SANBR: variants seen among roughly 807,000 people sequenced by gnomAD.
SANBR encodes SANT and BTB domain regulator of CSR, also known as SANT and BTB domain regulator of class switch recombination.
A neutral mutation model predicts 101.8 loss-of-function variants in SANBR; 77 were observed. The observed-to-expected ratio is 0.76, with a 90% CI of 0.63 to 0.91. SANBR has a LOEUF of 0.91. Ranked by LOEUF, SANBR falls within the 40% of genes least tolerant of loss-of-function variation. The pLI is 0.00. For synonymous variants in SANBR, 279 were observed against 274.7 expected, an observed-to-expected ratio of 1.02 and a Z score of -0.15; for missense variants, 875 against 853.0, an observed-to-expected ratio of 1.03 and a Z score of -0.32.
chr2:61,106,114 T>C (rs557618955), intron 13 of SANBR, among the ~76,000 whole-genome samples: 1 of 152,052 alleles, frequency 6.6e-6, no homozygotes, highest in African/African-American at 2.4e-5. Flanking sequence ...CATCGTTGGC[T>C]GGGCGCGGTG....
At chr2:61,105,517 G>A (rs1383599335) in intron 13 of SANBR, among the ~76,000 whole-genome samples, 1 of 148,452 alleles carries the variant, frequency 6.7e-6, no homozygotes. Context: ...ACAGCCACCC[G>A]CCACCACACC....
intron 11 of SANBR, among the ~76,000 whole-genome samples, chr2:61,093,052 G>C (rs1682851602): frequency 6.6e-6 from 1 of 151,880 alleles, no homozygotes; most frequent in Non-Finnish European, 1.5e-5. Context: ...AGAATCACTT[G>C]AACCCGGGAG....
intron 10 of SANBR, among the ~76,000 whole-genome samples, chr2:61,091,235 G>A (rs531545993): frequency 1.3e-5 from 2 of 152,202 alleles, no homozygotes; most frequent in African/African-American, 4.8e-5. Flanking sequence ...CTTAAGGGCA[G>A]GAGTTTAAGA....
rs186650444 is a variant in SANBR at position 61,085,423 on chromosome 2, G to A, written c.890+2109G>A. On this transcript the variant is annotated intron_variant, in intron 8 of 21. Coordinates refer to ENST00000402291, the MANE Select transcript of SANBR (RefSeq NM_001129993.3). ...TTCCCCCACTGAATTGCACTAGTAC[G>A]TTTACTATATGTGAAGTCTGTTTCC... is the stretch of plus-strand genomic sequence containing the variant. Among the ~76,000 whole-genome samples, 192 of 151,874 alleles carry A rather than the reference G, an allele frequency of 1.3e-3. 7 individuals are homozygous for A. The highest frequency in any genetic ancestry group is 0.01 in the Admixed American group (155 of 15,252).
intron 6 of SANBR, among the ~76,000 whole-genome samples, chr2:61,079,437 AAATC>A (rs1681971108): frequency 1.3e-5 from 2 of 152,318 alleles, no homozygotes; most frequent in South Asian, 2.1e-4. Context: ...TATGGAAAAT[AAATC>A]TATGCTGACA....
chr2:61,132,070 T>C (rs1160738089), intron 20 of SANBR, among the ~76,000 whole-genome samples: 3 of 152,198 alleles, frequency 2.0e-5, no homozygotes, highest in Non-Finnish European at 2.9e-5. Context: ...GTAAAACTCT[T>C]ACAAGAAAGC....
At chr2:61,126,632 C>G (rs1011728003), downstream of SANBR, among the ~76,000 whole-genome samples, 1 of 152,062 alleles carries the variant, frequency 6.6e-6, no homozygotes, top group Non-Finnish European at 1.5e-5. Flanking sequence ...AAAACCCCAT[C>G]TCTGTTAAAA....
intron 11 of SANBR, among the ~76,000 whole-genome samples, chr2:61,095,914 A>G (rs1683009021): frequency 6.6e-6 from 1 of 152,072 alleles, no homozygotes; most frequent in Non-Finnish European, 1.5e-5. Flanking sequence ...GGTATTATCC[A>G]TTCAGGTCTT....
intron 17 of SANBR, among the ~76,000 whole-genome samples, chr2:61,116,427 T>A (rs1684083093): frequency 6.6e-6 from 1 of 152,214 alleles, no homozygotes; most frequent in Non-Finnish European, 1.5e-5. Context: ...GAGAGTCTTT[T>A]CATTATATGT....
At chr2:61,134,973 T>C (rs552157703) in intron 21 of SANBR, among the ~76,000 whole-genome samples, 1 of 151,728 alleles carries the variant, frequency 6.6e-6, no homozygotes, top group African/African-American at 2.4e-5. Context: ...GCAGATCACC[T>C]GAGGTCAGGA....
Position 61,109,267 on chromosome 2 carries a change from G to A in SANBR, c.1715G>A (p.Gly572Glu). The change falls in exon 16 of 22, where the codon GGA (glycine) becomes GAA (glutamate). Residue 572 changes from glycine (G) to glutamate (E), a missense_variant. Physicochemically the swap from Gly to Glu is moderately conservative, Grantham distance 98. Transcript: ENST00000402291. ...TGSEVTEDEV[G>E]DEEEVSKKQR... ...TCTGAGGTCACTGAAGATGAAGTTG[G>A]AGATGAAGAAGAAGTATCCAAGAAA... The A allele has an allele frequency of 1.3e-6, 2 of 1,576,654 alleles. No homozygotes were observed. Among genetic ancestry groups the A allele is most frequent in the Non-Finnish European group, 1.7e-6 (2 of 1,158,180 alleles).
In SANBR at chr2:61,106,641, C is replaced by G. The variant is rs200937007; in HGVS notation, c.1590C>G (p.Pro530=). The change falls in exon 14 of 22, where the codon CCC becomes CCG. Residue 530 remains proline, a synonymous_variant. Transcript: ENST00000402291. ...VLLEPNTPWG[P]KTGELNAFLS... ...TGGAGCCAAATACACCATGGGGTCC[C>G]AAAACTGGGGAGCTCAATGCTGTGA... The G allele has an allele frequency of 6.3e-7, 1 of 1,590,824 alleles. No individual in the cohort carries two copies. Among genetic ancestry groups the G allele is most frequent in the East Asian group, 2.3e-5 (1 of 44,008 alleles).
intron 11 of SANBR, chr2:61,093,957 G>A (rs1052125722): frequency 3.7e-5 from 9 of 241,700 alleles, no homozygotes; most frequent in South Asian, 3.1e-4. Flanking sequence ...CAGAGTTTTC[G>A]ACAAATAATT....
chr2:61,110,873 T>C (rs947194294), intron 16 of SANBR, among the ~76,000 whole-genome samples: 1 of 151,742 alleles, frequency 6.6e-6, no homozygotes, highest in Admixed American at 6.6e-5. Context: ...TAAAAGAAGA[T>C]TGTAAGTTAG....
At chr2:61,125,126 C>G (rs1684477794), downstream of SANBR, among the ~76,000 whole-genome samples, 1 of 152,144 alleles carries the variant, frequency 6.6e-6, no homozygotes, top group South Asian at 2.1e-4. Context: ...GAAGATGGTA[C>G]AAGAATAATA....
chr2:61,115,870 A>T (rs1228780423), intron 16 of SANBR, 109 bp from the exon 17 acceptor site: 1 of 627,398 alleles, frequency 1.6e-6, no homozygotes. Context: ...TTAATTTGTT[A>T]GTTTTCTTAA....
At chr2:61,108,463 T>C in intron 15 of SANBR, 114 bp downstream of exon 15, 1 of 619,812 alleles carries the variant, frequency 1.6e-6, no homozygotes, top group Non-Finnish European at 2.7e-6. Context: ...AATGTACATC[T>C]TCCTTTTCAG....
intron 8 of SANBR, among the ~76,000 whole-genome samples, chr2:61,086,075 A>G (rs1338386043): frequency 1.3e-5 from 2 of 152,202 alleles, no homozygotes; most frequent in African/African-American, 2.4e-5. Flanking sequence ...TGAATATGGT[A>G]TAACCTTCCA....
At chr2:61,085,656 A>G (rs1158118408) in intron 8 of SANBR, among the ~76,000 whole-genome samples, 1 of 151,836 alleles carries the variant, frequency 6.6e-6, no homozygotes, top group Non-Finnish European at 1.5e-5. Flanking sequence ...GATTATAGGC[A>G]CCCACCACCA....
Sources: allele counts gnomAD v4.1 joint callset (sites outside exome capture counted in the v4.1 genomes callset), GRCh38; gene constraint gnomAD v4.1.1; transcripts MANE v1.5; gene names NCBI Gene and HGNC (gene_info 2026-07-23, HGNC 2026-07-21).